Variants in ERBB4 observed in about 807,000 individuals in gnomAD.
ERBB4 encodes receptor tyrosine-protein kinase erbB-4.
Under a neutral mutation model 158.0 loss-of-function variants are expected in ERBB4, and 42 were observed. The ratio of observed to expected loss-of-function variants is 0.27; its 90% CI spans 0.21 to 0.34. ERBB4 has a LOEUF of 0.34. Ranked by LOEUF, ERBB4 falls within the 10% of genes least tolerant of loss-of-function variation. The pLI is 1.00. For synonymous variants in ERBB4, 583 were observed against 558.7 expected (o/e 1.04, Z -0.61); for missense variants, 1,333 against 1,624.1 (o/e 0.82, Z 3.08).
At chr2:211,550,218 C>T (rs920803232) in intron 20 of ERBB4, among the ~76,000 whole-genome samples, 2 of 151,944 alleles carry the variant, frequency 1.3e-5, no homozygotes, top group Non-Finnish European at 2.9e-5. Flanking sequence ...AAATATACAA[C>T]ACATCATTGT....
chr2:212,080,025 A>T (rs1197288383), intron 2 of ERBB4, among the ~76,000 whole-genome samples: 2 of 149,946 alleles, frequency 1.3e-5, no homozygotes, highest in East Asian at 1.9e-4. Flanking sequence ...CTCCTCACAT[A>T]AAAAAAAATT....
chr2:212,057,537 A>T (rs377291655), intron 2 of ERBB4, among the ~76,000 whole-genome samples: 2 of 152,110 alleles, frequency 1.3e-5, no homozygotes, highest in South Asian at 2.1e-4. Context: ...GAAGTAAAGC[A>T]CTCCTCAGCA....
At chr2:212,047,158 CT>C (rs1262621604) in intron 2 of ERBB4, among the ~76,000 whole-genome samples, 1 of 151,984 alleles carries the variant, frequency 6.6e-6, no homozygotes, top group Non-Finnish European at 1.5e-5. Context: ...TAAAAAAAAA[CT>C]TTTAAGTTTT....
intron 3 of ERBB4, among the ~76,000 whole-genome samples, chr2:211,789,909 G>A (rs1480919161): frequency 1.3e-5 from 2 of 151,866 alleles, no homozygotes; most frequent in Admixed American, 6.6e-5. Context: ...TTTTGATATT[G>A]TAGTTCTTTC....
chr2:211,588,487 T>C (rs1366078873), intron 19 of ERBB4, among the ~76,000 whole-genome samples: 1 of 152,202 alleles, frequency 6.6e-6, no homozygotes, highest in African/African-American at 2.4e-5. Context: ...TTCTTTCTTT[T>C]GGCAGGTAAA....
chr2:211,427,336 C>T (rs2063651680), intron 22 of ERBB4, among the ~76,000 whole-genome samples: 1 of 151,878 alleles, frequency 6.6e-6, no homozygotes, highest in South Asian at 2.1e-4. Flanking sequence ...GGGCATTATG[C>T]TTTTTATTTG....
intron 2 of ERBB4, among the ~76,000 whole-genome samples, chr2:212,044,410 T>G (rs12476163): frequency 0.058 from 8,755 of 152,252 alleles, 306 homozygotes; most frequent in South Asian, 0.1. Flanking sequence ...CTGCCGCCTT[T>G]TGGTTGAAGT....
chr2:211,523,196 T>C (rs1159912914), intron 20 of ERBB4, among the ~76,000 whole-genome samples: 2 of 134,620 alleles, frequency 1.5e-5, no homozygotes, highest in East Asian at 4.3e-4. Context: ...GAACCAAAAA[T>C]CAGGTGAGCG....
rs112492777 is a variant in ERBB4 at position 212,392,802 on chromosome 2, A to G, written c.82+145647T>C. The stretch of plus-strand genomic sequence containing the variant: ...ATATTACATTACTGGTCAACAAACT[A>G]TGAGCTGTGAGCAGAGATTATATTC... On this transcript the variant is annotated intron_variant, in intron 1 of 27. Coordinates refer to ENST00000342788, the MANE Select transcript of ERBB4 (RefSeq NM_005235.3). Among the ~76,000 whole-genome samples, 1,101 of 152,110 alleles carry G rather than the reference A, an allele frequency of 7.2e-3. 6 individuals are homozygous for G. The highest frequency in any genetic ancestry group is 0.024 in the Middle Eastern group (7 of 294).
chr2:211,697,568 CAA>C (rs941362218), intron 12 of ERBB4, among the ~76,000 whole-genome samples: 1 of 151,820 alleles, frequency 6.6e-6, no homozygotes, highest in Admixed American at 6.6e-5. Context: ...ATAGTTCTTT[CAA>C]ATTTAGGAGA....
chr2:212,073,337 T>A (rs993107194), intron 2 of ERBB4, among the ~76,000 whole-genome samples: 2 of 151,940 alleles, frequency 1.3e-5, no homozygotes, highest in Admixed American at 1.3e-4. Flanking sequence ...TCCCAATTAC[T>A]ATACAAGGAA....
intron 20 of ERBB4, among the ~76,000 whole-genome samples, chr2:211,475,723 T>C (rs2064937508): frequency 6.6e-6 from 1 of 152,042 alleles, no homozygotes; most frequent in Non-Finnish European, 1.5e-5. Context: ...GCAGAAAACT[T>C]TCTGTTAACA....
chr2:212,296,161 A>G (rs1270982573), intron 1 of ERBB4, among the ~76,000 whole-genome samples: 1 of 151,926 alleles, frequency 6.6e-6, no homozygotes, highest in African/African-American at 2.4e-5. Flanking sequence ...TTAATCTATA[A>G]TGATGTATTA....
At chr2:212,314,316 CT>C (rs1195348404) in intron 1 of ERBB4, among the ~76,000 whole-genome samples, 2 of 150,220 alleles carry the variant, frequency 1.3e-5, no homozygotes, top group East Asian at 2.0e-4. Flanking sequence ...TTTTCAAGCA[CT>C]TTTTTTCTGA....
At chr2:212,230,816 TAA>T (rs2083639441) in intron 1 of ERBB4, among the ~76,000 whole-genome samples, 2 of 152,158 alleles carry the variant, frequency 1.3e-5, no homozygotes, top group Admixed American at 1.3e-4. Flanking sequence ...ATCAGCATGA[TAA>T]AGAGTCTAGA....
intron 1 of ERBB4, among the ~76,000 whole-genome samples, chr2:212,415,402 T>C (rs956869737): frequency 2.0e-5 from 3 of 152,268 alleles, no homozygotes; most frequent in African/African-American, 7.2e-5. Context: ...TAACTAAAAA[T>C]AATTTAAATA....
At chr2:211,619,675 G>A (rs143959486) in intron 18 of ERBB4, among the ~76,000 whole-genome samples, 47 of 151,952 alleles carry the variant, frequency 3.1e-4, no homozygotes, top group African/African-American at 1.1e-3. Context: ...TAGAAGACTG[G>A]GCTAAGGAAT....
Position 212,326,711 on chromosome 2 carries a change from A to G in ERBB4, c.83-201808T>C, listed in dbSNP as rs533076826. Among the ~76,000 whole-genome samples, 12 of 150,918 alleles carry G rather than the reference A, an allele frequency of 8.0e-5. No homozygotes were observed. The South Asian group carries it at 2.5e-3, about 32-fold the overall frequency. ...TTCATGCTGTCCCAAAGTTGCAGAC[A>G]TGTTCACGACACAGCTGCGTTTGTT... On this transcript the variant is annotated intron_variant, in intron 1 of 27. Transcript: ENST00000342788.
At chr2:212,396,824 A>G (rs1031056342) in intron 1 of ERBB4, among the ~76,000 whole-genome samples, 4 of 152,112 alleles carry the variant, frequency 2.6e-5, no homozygotes, top group African/African-American at 4.8e-5. Flanking sequence ...TTACTCCTCA[A>G]TCCACAGAGG....
Sources: allele counts gnomAD v4.1 joint callset (sites outside exome capture counted in the v4.1 genomes callset), GRCh38; gene constraint gnomAD v4.1.1; transcripts MANE v1.5; gene names NCBI Gene and HGNC (gene_info 2026-07-23, HGNC 2026-07-21).